ZMYND11: variants seen among roughly 807,000 people sequenced by gnomAD.
ZMYND11 encodes zinc finger MYND-type containing 11.
A neutral mutation model predicts 84.9 loss-of-function variants in ZMYND11; 9 were observed. The observed-to-expected ratio is 0.11, with a 90% CI of 0.06 to 0.18. ZMYND11 has a LOEUF of 0.18. Among genes scored for constraint, ZMYND11 ranks in the 10% least tolerant of loss-of-function variants. ZMYND11 has a pLI of 1.00. For missense variants in ZMYND11, 409 were observed against 761.0 expected (o/e 0.54, Z 5.44); for synonymous variants, 250 against 244.1 (o/e 1.02, Z -0.23).
At chr10:235,972 T>C (rs1207054002) in intron 4 of ZMYND11, among the ~76,000 whole-genome samples, 1 of 152,372 alleles carries the variant, frequency 6.6e-6, no homozygotes, top group East Asian at 1.9e-4. Context: ...TTTAGTGTAC[T>C]GAAGTGACTT....
chr10:239,348 C>A, intron 6 of ZMYND11, 90 bp from the exon 7 acceptor site: 2 of 1,043,738 alleles, frequency 1.9e-6, no homozygotes, highest in Non-Finnish European at 2.9e-6. Context: ...TGATGTCATC[C>A]TAGAAAAGAC....
At chr10:162,117 C>T (rs782389326) in intron 1 of ZMYND11, among the ~76,000 whole-genome samples, 7 of 152,116 alleles carry the variant, frequency 4.6e-5, no homozygotes, top group Non-Finnish European at 7.3e-5. Flanking sequence ...GCTATTAATG[C>T]GCCGGATTTC....
chr10:173,882 C>T (rs1554766331), intron 1 of ZMYND11, among the ~76,000 whole-genome samples: 1 of 152,104 alleles, frequency 6.6e-6, no homozygotes, highest in Non-Finnish European at 1.5e-5. Context: ...AAGAATGGCT[C>T]AGATCCAAAA....
intron 1 of ZMYND11, among the ~76,000 whole-genome samples, chr10:176,245 T>A: frequency 6.6e-6 from 1 of 152,158 alleles, no homozygotes; most frequent in East Asian, 1.9e-4. Context: ...AGGGGCTTAT[T>A]AAAGTTACTC....
chr10:234,378 C>T (rs1165051246), intron 4 of ZMYND11, among the ~76,000 whole-genome samples: 1 of 152,200 alleles, frequency 6.6e-6, no homozygotes, highest in African/African-American at 2.4e-5. Context: ...AGCTAACATC[C>T]AGAGGGGAAG....
At chr10:134,389 C>A (rs182548202), upstream of ZMYND11, 1 of 152,192 alleles carries the variant, frequency 6.6e-6, no homozygotes. Context: ...TGCTTATCTC[C>A]GAACCTTTCT....
chr10:248,666 G>C, intron 13 of ZMYND11, 58 bp downstream of exon 13: 2 of 1,533,794 alleles, frequency 1.3e-6, no homozygotes, highest in Non-Finnish European at 1.7e-6. Flanking sequence ...GTCATGGTTA[G>C]GCTCCTTTCA....
At chr10:205,794 CTT>C (rs999797445) in intron 2 of ZMYND11, among the ~76,000 whole-genome samples, 13 of 144,870 alleles carry the variant, frequency 9.0e-5, no homozygotes, top group African/African-American at 3.0e-4. Flanking sequence ...TTTTAAGTAA[CTT>C]TTTTTTTTTG....
upstream of ZMYND11, chr10:134,701 AC>A (rs1291388381): frequency 6.6e-6 from 1 of 152,206 alleles, no homozygotes; most frequent in East Asian, 1.9e-4. Flanking sequence ...CACCGGGTCC[AC>A]CCGGGGCTGA....
chr10:241,953 A>G (rs1951046558), intron 9 of ZMYND11, 68 bp from the exon 10 acceptor site: 1 of 1,543,186 alleles, frequency 6.5e-7, no homozygotes, highest in Non-Finnish European at 8.9e-7. Flanking sequence ...GACTAGTTTA[A>G]TATTAATGGT....
intron 2 of ZMYND11, among the ~76,000 whole-genome samples, chr10:188,659 C>T (rs777039876): frequency 1.3e-5 from 2 of 151,976 alleles, no homozygotes; most frequent in Middle Eastern, 3.4e-3. Context: ...CTCTAGATGC[C>T]GTGTCTATTT....
chr10:208,414 A>G (rs1944569709), intron 2 of ZMYND11, among the ~76,000 whole-genome samples: 2 of 152,256 alleles, frequency 1.3e-5, no homozygotes, highest in South Asian at 2.1e-4. Flanking sequence ...GCTAATATCC[A>G]GAATCTACAG....
chr10:228,645 TAAGTTA>T (rs1948515936), intron 4 of ZMYND11, among the ~76,000 whole-genome samples: 1 of 152,186 alleles, frequency 6.6e-6, no homozygotes, highest in Non-Finnish European at 1.5e-5. Flanking sequence ...CAGACACATT[TAAGTTA>T]TTTTCTGAAA....
intron 4 of ZMYND11, among the ~76,000 whole-genome samples, chr10:231,701 C>T (rs1162854136): frequency 6.6e-6 from 1 of 152,154 alleles, no homozygotes; most frequent in African/African-American, 2.4e-5. Flanking sequence ...TAGAGTCATC[C>T]GATTCAGTGT....
chr10:249,646 G>A (rs1225175262), intron 14 of ZMYND11: 1 of 985,216 alleles, frequency 1.0e-6, no homozygotes, highest in African/African-American at 1.7e-5. Context: ...CTCCCCACTA[G>A]AGTGGGAGCT....
chr10:190,917 T>G (rs1940212272), intron 2 of ZMYND11, among the ~76,000 whole-genome samples: 2 of 152,088 alleles, frequency 1.3e-5, no homozygotes, highest in African/African-American at 4.8e-5. Context: ...TAATTTGATT[T>G]CATTATTTAT....
chr10:232,815 T>C (rs1949232446), intron 4 of ZMYND11, among the ~76,000 whole-genome samples: 1 of 152,184 alleles, frequency 6.6e-6, no homozygotes, highest in South Asian at 2.1e-4. Flanking sequence ...CCAACCCAAA[T>C]ACTTAAAACA....
intron 1 of ZMYND11, among the ~76,000 whole-genome samples, chr10:170,234 T>C (rs1844971719): frequency 6.6e-6 from 1 of 152,102 alleles, no homozygotes; most frequent in East Asian, 1.9e-4. Context: ...ATTAAGGGAA[T>C]TTTTTGCCTT....
intron 14 of ZMYND11, chr10:249,484 G>GGGAA: frequency 1.0e-6 from 1 of 984,868 alleles, no homozygotes; most frequent in Non-Finnish European, 1.2e-6. Context: ...AATAGTTTCA[G>GGGAA]ATTTCCCTGC....
Sources: gnomAD v4.1 joint callset for allele counts (sites outside exome capture counted in the v4.1 genomes callset) on GRCh38, gnomAD v4.1.1 for gene constraint, MANE v1.5 for transcripts, NCBI Gene and HGNC (gene_info 2026-07-23, HGNC 2026-07-21) for gene names.